Variants in COLEC12 observed in about 807,000 individuals in gnomAD.
COLEC12 encodes the protein collectin-12.
A neutral mutation model predicts 71.1 loss-of-function variants in COLEC12; 33 were observed. The observed-to-expected ratio is 0.46, with a 90% confidence interval of 0.35 to 0.62. The LOEUF is 0.62. Among genes scored for constraint, COLEC12 ranks in the 20% least tolerant of loss-of-function variants. The pLI, the probability that COLEC12 is intolerant of heterozygous loss-of-function variation, is 0.00. For missense variants in COLEC12, 765 were observed against 916.1 expected, an observed-to-expected ratio of 0.84 and a Z score of 2.13; for synonymous variants, 350 against 353.0, an observed-to-expected ratio of 0.99 and a Z score of 0.10.
chr18:328,042 T>C lies in COLEC12; in HGVS notation c.2063+3626A>G, dbSNP rs556433894. The stretch of plus-strand genomic sequence containing the variant: ...TTTAAGAGATGGGGTCTTGCTCTAT[T>C]GCTCAGGCTGGTCTTGAACTCCTGG... On this transcript the variant is annotated intron_variant, in intron 8 of 9. Transcript: ENST00000400256. 1.1e-3 allele frequency among the ~76,000 whole-genome samples: 166 copies of C among 152,284 alleles called. 2 individuals carry two copies. The highest frequency in any genetic ancestry group is 3.7e-3 in the African/African-American group (154 of 41,556).
At chr18:335,887 G>A (rs1914109105) in intron 5 of COLEC12, among the ~76,000 whole-genome samples, 2 of 152,300 alleles carry the variant, frequency 1.3e-5, no homozygotes, top group Non-Finnish European at 2.9e-5. Context: ...GACACTGACA[G>A]CCAGGGGCTT....
In COLEC12 at chr18:369,358, C is replaced by T. The variant is rs552888811; in HGVS notation, c.59-11836G>A. 2.0e-5 allele frequency among the ~76,000 whole-genome samples: 3 copies of T among 150,414 alleles called. No individual in the cohort carries two copies. In the East Asian group the frequency reaches 5.8e-4, roughly 29 times the overall value. On this transcript the variant is annotated intron_variant, in intron 2 of 9. Coordinates refer to ENST00000400256, the MANE Select transcript of COLEC12 (RefSeq NM_130386.3). ...CAAGCTTGGACATGAAGCATCGTTCCTTTCCTTCCCCGGAGGTGATACAGA... is the reference window on the plus strand; with the variant it reads ...CAAGCTTGGACATGAAGCATCGTTCTTTTCCTTCCCCGGAGGTGATACAGA...
At chr18:354,923 G>T (rs1914598711) in intron 3 of COLEC12, among the ~76,000 whole-genome samples, 1 of 152,092 alleles carries the variant, frequency 6.6e-6, no homozygotes, top group South Asian at 2.1e-4. Context: ...AAAACATTAG[G>T]TTTCCAGGCA....
At chr18:326,343 T>C (rs1913840905) in intron 8 of COLEC12, among the ~76,000 whole-genome samples, 1 of 152,138 alleles carries the variant, frequency 6.6e-6, no homozygotes, top group African/African-American at 2.4e-5. Flanking sequence ...TAGTTCTAGT[T>C]CCTTTTTGTT....
At chr18:337,841 C>G (rs1048271470) in intron 5 of COLEC12, among the ~76,000 whole-genome samples, 3 of 152,236 alleles carry the variant, frequency 2.0e-5, no homozygotes, top group Admixed American at 2.0e-4. Context: ...TCTCCCACCA[C>G]ATTGCCACAA....
intron 2 of COLEC12, among the ~76,000 whole-genome samples, chr18:465,088 T>TA (rs1226112575): frequency 4.6e-5 from 7 of 152,220 alleles, no homozygotes; most frequent in African/African-American, 1.7e-4. Context: ...GGAACAGACT[T>TA]AAACAAAATT....
chr18:380,712 T>C (rs1429456602), intron 2 of COLEC12, among the ~76,000 whole-genome samples: 2 of 152,174 alleles, frequency 1.3e-5, no homozygotes, highest in African/African-American at 4.8e-5. Context: ...AGTGATAATA[T>C]GGATGTGACG....
At chr18:389,362 T>C (rs1194673268) in intron 2 of COLEC12, among the ~76,000 whole-genome samples, 1 of 151,200 alleles carries the variant, frequency 6.6e-6, no homozygotes, top group African/African-American at 2.4e-5. Flanking sequence ...CACTGCAAGC[T>C]CCGCCTCCCA....
intron 2 of COLEC12, among the ~76,000 whole-genome samples, chr18:448,289 C>T (rs953154502): frequency 4.6e-5 from 7 of 152,166 alleles, no homozygotes; most frequent in Non-Finnish European, 7.3e-5. Context: ...CTCTGGCAAA[C>T]GAGCGTTCGC....
At chr18:325,627 C>CCTTT (rs1913820417) in intron 8 of COLEC12, among the ~76,000 whole-genome samples, 1 of 51,834 alleles carries the variant, frequency 1.9e-5, no homozygotes, top group South Asian at 1.3e-3. Context: ...AAGGATCAGC[C>CCTTT]TTTTTTTTTT....
At chr18:460,166 C>G (rs372896028) in intron 2 of COLEC12, among the ~76,000 whole-genome samples, 2 of 152,154 alleles carry the variant, frequency 1.3e-5, no homozygotes, top group Non-Finnish European at 2.9e-5. Flanking sequence ...TTCAAACATA[C>G]GTGGAGTCCC....
At chr18:482,898 C>T (rs1917450637) in intron 1 of COLEC12, among the ~76,000 whole-genome samples, 1 of 152,098 alleles carries the variant, frequency 6.6e-6, no homozygotes, top group Non-Finnish European at 1.5e-5. Flanking sequence ...CAGATGTGAG[C>T]TACCGTGCCC....
At chr18:453,030 A>T (rs1916792937) in intron 2 of COLEC12, among the ~76,000 whole-genome samples, 1 of 152,238 alleles carries the variant, frequency 6.6e-6, no homozygotes, top group South Asian at 2.1e-4. Context: ...CTTTTATTAC[A>T]CACTGCCAAG....
At chr18:427,845 G>C (rs1916227113) in intron 2 of COLEC12, among the ~76,000 whole-genome samples, 1 of 152,180 alleles carries the variant, frequency 6.6e-6, no homozygotes, top group Non-Finnish European at 1.5e-5. Flanking sequence ...TTTTCTGGCT[G>C]TGTCTGGTGG....
chr18:415,891 A>G (rs1598356263), intron 2 of COLEC12, among the ~76,000 whole-genome samples: 1 of 152,238 alleles, frequency 6.6e-6, no homozygotes, highest in African/African-American at 2.4e-5. Context: ...GAACCTAATT[A>G]CACTGTAATG....
At chr18:455,364 G>C (rs1375287395) in intron 2 of COLEC12, among the ~76,000 whole-genome samples, 1 of 146,976 alleles carries the variant, frequency 6.8e-6, no homozygotes, top group African/African-American at 2.5e-5. Flanking sequence ...TGTAAGCTCC[G>C]CCTCCCGGGT....
intron 2 of COLEC12, among the ~76,000 whole-genome samples, chr18:475,321 T>C (rs1917283690): frequency 6.6e-6 from 1 of 152,102 alleles, no homozygotes; most frequent in African/African-American, 2.4e-5. Flanking sequence ...GCTTACTCAG[T>C]CGTTCCCCAC....
chr18:407,337 T>A (rs535839851), intron 2 of COLEC12, among the ~76,000 whole-genome samples: 2 of 152,130 alleles, frequency 1.3e-5, no homozygotes, highest in Non-Finnish European at 2.9e-5. Flanking sequence ...AAGGGATTTA[T>A]TATAAGGGAT....
chr18:417,424 T>G (rs1032060618), intron 2 of COLEC12, among the ~76,000 whole-genome samples: 4 of 152,224 alleles, frequency 2.6e-5, no homozygotes, highest in African/African-American at 9.6e-5. Flanking sequence ...ATGCAGTGCA[T>G]GACTATGTGT....
Sources: allele counts gnomAD v4.1 joint callset (sites outside exome capture counted in the v4.1 genomes callset), GRCh38; gene constraint gnomAD v4.1.1; transcripts MANE v1.5; gene names NCBI Gene and HGNC (gene_info 2026-07-23, HGNC 2026-07-21).